Variants in NISCH observed in about 807,000 individuals in gnomAD.
The protein encoded by NISCH is I-1 receptor candidate protein.
Under a neutral mutation model 138.4 loss-of-function variants are expected in NISCH, and 55 were observed. The ratio of observed to expected loss-of-function variants is 0.40; its 90% CI spans 0.32 to 0.50. The LOEUF is 0.50. NISCH is among the 20% of genes least tolerant of loss of function. NISCH has a pLI of 0.71. For synonymous variants in NISCH, 860 were observed against 861.5 expected (o/e 1.00, Z 0.03); for missense variants, 1,643 against 2,005.5 (o/e 0.82, Z 3.45).
chr3:52,490,117 G>C lies in NISCH; in HGVS notation c.3499G>C (p.Val1167Leu), dbSNP rs1181968547. ...GAGGCACCTCATGTGGTCCTCGGTG[G>C]TGTTCTACCAGACCCCAGGGCTGGA... ...ELRHLMWSSV[V>L]FYQTPGLEVT... Residue 1167 changes from valine (V) to leucine (L), a missense_variant, in exon 18 of 21, where the codon GTG (valine) becomes CTG (leucine). Coordinates refer to ENST00000345716, the MANE Select transcript of NISCH (RefSeq NM_007184.4). 1 of 1,613,652 alleles carries C rather than the reference G, an allele frequency of 6.2e-7. No individual in the cohort carries two copies.
chr3:52,470,392 G>A (rs1405367695), intron 3 of NISCH, among the ~76,000 whole-genome samples: 1 of 152,170 alleles, frequency 6.6e-6, no homozygotes, highest in Admixed American at 6.5e-5. Context: ...GAGAGGAAGT[G>A]GAAATGGTCA....
rs776458466 is a variant in NISCH, at chr3:52,488,130, G to T, written c.2638G>T (p.Glu880Ter). The change falls in exon 16 of 21, where the codon GAG becomes TAG. Residue 880 changes from glutamate (E) to a stop codon, truncating the protein, a stop_gained. Transcript: ENST00000345716. LOFTEE classifies it high-confidence loss of function. ...TAAGDYSGNI[E>*]WASCTLCSAV... The stretch of plus-strand genomic sequence containing the variant: ...CGCCGGGGACTACTCAGGCAACATC[G>T]AGTGGGCCAGCTGCACACTCTGTTC... 2 of 1,613,034 alleles carry T rather than the reference G, an allele frequency of 1.2e-6. No individual in the cohort carries two copies. Among genetic ancestry groups the T allele is most frequent in the Non-Finnish European group, 1.7e-6 (2 of 1,180,002 alleles).
intron 19 of NISCH, among the ~76,000 whole-genome samples, chr3:52,491,089 AG>A (rs1707549698): frequency 6.6e-6 from 1 of 152,248 alleles, no homozygotes; most frequent in South Asian, 2.1e-4. Context: ...GGTCTCGGGC[AG>A]GATGTTTCTG....
At chr3:52,490,667 T>C in intron 18 of NISCH, 38 bp from the exon 19 acceptor site, 1 of 1,613,710 alleles carries the variant, frequency 6.2e-7, no homozygotes, top group Non-Finnish European at 8.5e-7. Flanking sequence ...TGTGCTTGCC[T>C]GCCACCGCCT....
At chr3:52,484,445 TTGTTGAACAGCCGCTCTCCCCGCCCCACC>T in intron 13 of NISCH, 39 bp from the exon 14 acceptor site, 1 of 1,461,982 alleles carries the variant, frequency 6.8e-7, no homozygotes, top group South Asian at 1.3e-5. Flanking sequence ...CCAGCCCCAC[TTGTTGAACAGCCGCTCTCCCCGCCCCACC>T]CACCCTGCCT....
intron 12 of NISCH, 153 bp from the exon 13 acceptor site, chr3:52,480,030 TG>T: frequency 1.0e-6 from 1 of 964,870 alleles, no homozygotes; most frequent in Non-Finnish European, 1.6e-6. Flanking sequence ...CTCTGTGGGG[TG>T]GGGACAGTGG....
chr3:52,490,965 T>G, intron 19 of NISCH, 132 bp downstream of exon 19: 22 of 1,249,240 alleles, frequency 1.8e-5, no homozygotes, highest in Non-Finnish European at 2.4e-5. Context: ...TTAACCGGGG[T>G]GGGAGGAAGC....
At chr3:52,476,180 G>A in intron 7 of NISCH, 1 of 422,218 alleles carries the variant, frequency 2.4e-6, no homozygotes, top group Non-Finnish European at 4.4e-6. Context: ...AGGTCACCAG[G>A]GCAAAGGCCC....
Position 52,465,497 on chromosome 3 carries a change from C to T in NISCH, c.361-5362C>T, listed in dbSNP as rs1164854283. ...TTTACCAGCCCACTTTAGGTGGGAG[C>T]GCAGGGGTTGCCGCCTGTATGAGTG... On this transcript the variant is annotated intron_variant, in intron 3 of 20. Transcript: ENST00000345716. Among the ~76,000 whole-genome samples the T allele has an allele frequency of 6.6e-5, 10 of 152,246 alleles. No individual in the cohort carries two copies. In the South Asian group the frequency reaches 8.3e-4, roughly 13 times the overall value.
chr3:52,481,955 C>G, intron 13 of NISCH: 3 of 981,336 alleles, frequency 3.1e-6, no homozygotes, highest in African/African-American at 1.7e-5. Context: ...CAGCAAAGAT[C>G]GGACCCCTAA....
Position 52,488,147 on chromosome 3 carries a change from ACT to A in NISCH, c.2658_2659del (p.Cys887PhefsTer12). ...SGNIEWASCT[L>X]CSAVRRSCCA... ...GCAACATCGAGTGGGCCAGCTGCAC[ACT>A]CTGTTCAGCCGTGCGGCGCTCCTGC... On this transcript the variant is annotated frameshift_variant, in exon 16 of 21. Coordinates refer to ENST00000345716, the MANE Select transcript of NISCH (RefSeq NM_007184.4). LOFTEE classifies it high-confidence loss of function. 1 of 1,612,630 alleles carries A rather than the reference ACT, an allele frequency of 6.2e-7. No individual in the cohort carries two copies. The highest frequency in any genetic ancestry group is 8.5e-7 in the Non-Finnish European group (1 of 1,179,788).
chr3:52,473,135 C>T (rs982046495), intron 6 of NISCH, among the ~76,000 whole-genome samples: 2 of 152,254 alleles, frequency 1.3e-5, no homozygotes, highest in South Asian at 2.1e-4. Flanking sequence ...TCCAGAGCCT[C>T]TGCTGTGCAC....
intron 7 of NISCH, 68 bp from the exon 8 acceptor site, chr3:52,476,379 G>T: frequency 1.3e-6 from 2 of 1,562,762 alleles, no homozygotes; most frequent in South Asian, 2.2e-5. Context: ...ATTCTGCAAC[G>T]ACTGTGTTCC....
chr3:52,485,736 G>C, intron 14 of NISCH, 42 bp from the exon 15 acceptor site: 1 of 1,556,914 alleles, frequency 6.4e-7, no homozygotes, highest in Non-Finnish European at 8.7e-7. Context: ...GCTGGGGCTG[G>C]CTGCAGTAGG....
intron 14 of NISCH, among the ~76,000 whole-genome samples, chr3:52,485,103 C>T (rs562906261): frequency 1.3e-5 from 2 of 152,286 alleles, no homozygotes; most frequent in South Asian, 2.1e-4. Flanking sequence ...CTCACTCTGG[C>T]GCCTCCTCTG....
intron 15 of NISCH, among the ~76,000 whole-genome samples, 184 bp downstream of exon 15, chr3:52,486,011 A>G: frequency 6.6e-6 from 1 of 152,194 alleles, no homozygotes; most frequent in Non-Finnish European, 1.5e-5. Context: ...CCAAATTCTA[A>G]TACCTAAACT....
chr3:52,491,406 A>C lies in NISCH; in HGVS notation c.3797A>C (p.His1266Pro), dbSNP rs1707560320. 5 of 1,613,312 alleles carry C rather than the reference A, an allele frequency of 3.1e-6. No homozygotes were observed. In the East Asian group the frequency reaches 1.1e-4, roughly 36 times the overall value. ...TCLTRDSYLT[H>P]CFLQHLMVVL... ...TTGACGCGGGACAGCTACCTGACGCACTGCTTCCTCCAGCACCTCATGGTC... is the reference window on the plus strand; with the variant it reads ...TTGACGCGGGACAGCTACCTGACGCCCTGCTTCCTCCAGCACCTCATGGTC... The change falls in exon 20 of 21, where the codon CAC becomes CCC. Residue 1266 changes from histidine to proline, a missense_variant. Transcript: ENST00000345716.
chr3:52,485,727 C>T (rs912728410), intron 14 of NISCH, 51 bp from the exon 15 acceptor site: 3 of 1,549,760 alleles, frequency 1.9e-6, no homozygotes, highest in Middle Eastern at 1.7e-4. Flanking sequence ...CAGTAAATGG[C>T]TGGGGCTGGC....
rs777293605 is a variant in NISCH at position 52,484,607 on chromosome 3, T to C, written c.1623T>C (p.Ser541=). 1.2e-6 allele frequency: 2 copies of C among 1,614,046 alleles called. No homozygotes were observed. The highest frequency in any genetic ancestry group is 2.2e-5 in the South Asian group (2 of 91,072). Residue 541 remains serine, a synonymous_variant, in exon 14 of 21, where the codon TCT becomes TCC. Transcript: ENST00000345716. ...PEHQPIAQGC[S]DSLESIPAGQ... ...ACCAGCCCATTGCCCAGGGATGTTC[T>C]GATTCCTTGGAGTCCATCCCTGCGG...
Sources: allele counts gnomAD v4.1 joint callset (sites outside exome capture counted in the v4.1 genomes callset), GRCh38; gene constraint gnomAD v4.1.1; transcripts MANE v1.5; gene names NCBI Gene and HGNC (gene_info 2026-07-23, HGNC 2026-07-21).